Variants in ANKRD27 observed in about 807,000 individuals in gnomAD.
ANKRD27 encodes the protein ankyrin repeat domain 27.
A neutral mutation model predicts 129.7 loss-of-function variants in ANKRD27; 112 were observed. The observed-to-expected ratio is 0.86, with a 90% CI of 0.74 to 1.01. ANKRD27 has a LOEUF of 1.01. ANKRD27 is among the 50% of genes least tolerant of loss of function. ANKRD27 has a pLI of 0.00. For synonymous variants in ANKRD27, 516 were observed against 511.2 expected (o/e 1.01, Z -0.13); for missense variants, 1,258 against 1,300.5 (o/e 0.97, Z 0.50).
chr19:32,654,267 C>G (rs867181699), intron 2 of ANKRD27, among the ~76,000 whole-genome samples: 2 of 152,102 alleles, frequency 1.3e-5, no homozygotes, highest in African/African-American at 4.8e-5. Flanking sequence ...CCAGGGCAGA[C>G]TCAAGGGCAG....
At chr19:32,605,453 G>A (rs1158201589) in intron 24 of ANKRD27, among the ~76,000 whole-genome samples, 1 of 152,200 alleles carries the variant, frequency 6.6e-6, no homozygotes, top group Non-Finnish European at 1.5e-5. Flanking sequence ...GCACAGTCAT[G>A]GACAGGTTGG....
At chr19:32,621,489 G>T (rs781493350) in intron 18 of ANKRD27, among the ~76,000 whole-genome samples, 6 of 152,148 alleles carry the variant, frequency 3.9e-5, no homozygotes, top group Non-Finnish European at 8.8e-5. Context: ...TTAACCAGGT[G>T]TGGTGGTGGG....
At chr19:32,669,286 T>C (rs1049620406) in intron 1 of ANKRD27, among the ~76,000 whole-genome samples, 1 of 152,118 alleles carries the variant, frequency 6.6e-6, no homozygotes, top group Non-Finnish European at 1.5e-5. Context: ...GAGACTAACA[T>C]AAAAATGGTC....
chr19:32,631,607 T>C, intron 12 of ANKRD27, 113 bp from the exon 13 acceptor site: 1 of 805,912 alleles, frequency 1.2e-6, no homozygotes, highest in Non-Finnish European at 2.1e-6. Context: ...TGCGCCTCTC[T>C]CCCGTCTCAT....
intron 4 of ANKRD27, among the ~76,000 whole-genome samples, chr19:32,645,599 C>T (rs902930544): frequency 6.6e-6 from 1 of 151,450 alleles, no homozygotes; most frequent in African/African-American, 2.4e-5. Context: ...CCACCATGCC[C>T]GGCTAATTAT....
At chr19:32,657,366 G>A (rs1345466585) in intron 2 of ANKRD27, among the ~76,000 whole-genome samples, 3 of 151,976 alleles carry the variant, frequency 2.0e-5, no homozygotes, top group Non-Finnish European at 4.4e-5. Flanking sequence ...GGAGACTCAG[G>A]CAGGAAAATC....
At chr19:32,628,626 G>A (rs1966933647) in intron 14 of ANKRD27, 96 bp downstream of exon 14, 3 of 1,502,608 alleles carry the variant, frequency 2.0e-6, no homozygotes, top group Admixed American at 3.5e-5. Flanking sequence ...AGGGAGGACA[G>A]TCCTTATCTG....
chr19:32,597,909 T>C lies in ANKRD27; in HGVS notation c.*236A>G, dbSNP rs1047510002. ...TCTGGCTTAAGGATCTGGATGCTAC[T>C]GGAATTTTTGTCTGTTTCAATTGTA... On this transcript the variant is annotated 3_prime_UTR_variant, in exon 29 of 29. Transcript: ENST00000306065. The C allele has an allele frequency of 8.8e-6, 5 of 565,220 alleles. No homozygotes were observed. The Admixed American group carries it at 1.5e-4, about 17-fold the overall frequency. 35.0% of individuals were successfully genotyped at this position (565,220 alleles called of 1,614,324 possible).
intron 10 of ANKRD27, among the ~76,000 whole-genome samples, 166 bp from the exon 11 acceptor site, chr19:32,640,551 G>A (rs1031648904): frequency 2.0e-5 from 3 of 152,218 alleles, no homozygotes; most frequent in African/African-American, 7.2e-5. Context: ...CTGATCAGAT[G>A]TCAGGTCCAG....
intron 1 of ANKRD27, among the ~76,000 whole-genome samples, chr19:32,660,966 G>A (rs1338030114): frequency 1.3e-5 from 2 of 151,216 alleles, no homozygotes; most frequent in East Asian, 1.9e-4. Flanking sequence ...GGGAGGATGA[G>A]GTAGGAGGAT....
rs895241489 is a variant in ANKRD27 at position 32,597,157 on chromosome 19, C to T, written c.*988G>A. The T allele has an allele frequency of 1.4e-5, 2 of 140,522 alleles. No homozygotes were observed. The highest frequency in any genetic ancestry group is 3.2e-5 in the Non-Finnish European group (2 of 63,036). The allele number at this position is 140,522 out of a possible 1,614,324, so 8.7% of individuals were successfully genotyped here. ...AGTATTTCCAAGAACATGGACAAAA[C>T]CATTTCCCTATCACAAGGTCATTTG... is the stretch of plus-strand genomic sequence containing the variant. On this transcript the variant is annotated 3_prime_UTR_variant, in exon 29 of 29. Coordinates refer to ENST00000306065, the MANE Select transcript of ANKRD27 (RefSeq NM_032139.3).
At chr19:32,627,346 T>C (rs1966902023) in intron 15 of ANKRD27, among the ~76,000 whole-genome samples, 2 of 151,042 alleles carry the variant, frequency 1.3e-5, no homozygotes, top group Non-Finnish European at 2.9e-5. Flanking sequence ...GTTTTCTATC[T>C]TGAATGTGCA....
At chr19:32,611,706 C>T (rs193239640) in intron 22 of ANKRD27, among the ~76,000 whole-genome samples, 140 of 152,226 alleles carry the variant, frequency 9.2e-4, no homozygotes, top group African/African-American at 3.0e-3. Context: ...CTCAGCCTCC[C>T]GAGTAGCTGG....
chr19:32,665,847 T>G (rs1044473613), intron 1 of ANKRD27, among the ~76,000 whole-genome samples: 12 of 152,110 alleles, frequency 7.9e-5, no homozygotes, highest in African/African-American at 2.6e-4. Context: ...CTGCAACCTC[T>G]GCTTCCTGGG....
At chr19:32,643,018 A>T in intron 9 of ANKRD27, 105 bp downstream of exon 9, 1 of 1,080,118 alleles carries the variant, frequency 9.3e-7, no homozygotes. Context: ...AGAACTAACC[A>T]CATCAAACCA....
In ANKRD27 at chr19:32,659,060, G is replaced by A. The variant is rs1967597629; in HGVS notation, c.-30-15C>T. The A allele has an allele frequency of 7.0e-7, 1 of 1,425,624 alleles. No homozygotes were observed. Among genetic ancestry groups the A allele is most frequent in the Non-Finnish European group, 9.9e-7 (1 of 1,008,720 alleles). The allele number at this position is 1,425,624 out of a possible 1,614,324, so 88.3% of individuals were successfully genotyped here. ...GAGCAAATCTCCTGCAATAAGGGAG[G>A]GAAAAGCAGTGAATAGCCATTTTCG... On this transcript the variant is annotated splice_polypyrimidine_tract_variant and intron_variant, in intron 1 of 28. Transcript: ENST00000306065.
At position 32,631,522 on chromosome 19, in the gene ANKRD27, G is replaced by A. The variant is rs375689382; in HGVS notation, c.1117-28C>T. On this transcript the variant is annotated intron_variant, in intron 12 of 28. Transcript: ENST00000306065. The stretch of plus-strand genomic sequence containing the variant: ...GCAGGGAAAAAACCAAACACACCAC[G>A]AGATGTCAGTGCAGATCCTTCAAAA... 9.9e-5 allele frequency: 157 copies of A among 1,582,770 alleles called. 1 individual carries two copies. The South Asian group carries it at 1.4e-3, about 14-fold the overall frequency.
intron 6 of ANKRD27, 35 bp from the exon 7 acceptor site, chr19:32,643,519 G>A (rs259229): frequency 0.6 from 969,681 of 1,613,246 alleles, 303,466 homozygotes; most frequent in Non-Finnish European, 0.66. Flanking sequence ...AAAGGGCTTG[G>A]ATTTGCATGG....
At position 32,597,135 on chromosome 19, in the gene ANKRD27, A is replaced by G. The variant is rs10553; in HGVS notation, c.*1010T>C. The G allele has an allele frequency of 0.2, 30,793 of 151,612 alleles. 7,467 individuals carry two copies. The highest frequency in any genetic ancestry group is 0.57 in the African/African-American group (23,511 of 41,388). The allele number at this position is 151,612 out of a possible 1,614,324, so 9.4% of individuals were successfully genotyped here. ...CCCTTCCTTCTGTACATACACAAGT[A>G]TTTCCAAGAACATGGACAAAACCAT... is the stretch of plus-strand genomic sequence containing the variant. On this transcript the variant is annotated 3_prime_UTR_variant, in exon 29 of 29. Transcript: ENST00000306065.
Sources: gnomAD v4.1 joint callset for allele counts (sites outside exome capture counted in the v4.1 genomes callset) on GRCh38, gnomAD v4.1.1 for gene constraint, MANE v1.5 for transcripts, NCBI Gene and HGNC (gene_info 2026-07-23, HGNC 2026-07-21) for gene names.